Variants in ZBTB26 observed in about 807,000 individuals in gnomAD.
ZBTB26 encodes zinc finger and BTB domain-containing protein 26.
A neutral mutation model predicts 31.6 loss-of-function variants in ZBTB26; 12 were observed. The ratio of observed to expected loss-of-function variants is 0.38; its 90% CI spans 0.24 to 0.61. The LOEUF is 0.61. Among genes scored for constraint, ZBTB26 ranks in the 20% least tolerant of loss-of-function variants. ZBTB26 has a pLI of 0.60. For missense variants in ZBTB26, 311 were observed against 521.9 expected, an observed-to-expected ratio of 0.60 and a Z score of 3.94; for synonymous variants, 155 against 182.9, an observed-to-expected ratio of 0.85 and a Z score of 1.23.
rs371053523 is a variant in ZBTB26 at position 122,926,233 on chromosome 9, G to A, written c.-11+5204C>T. ...CTCAAGGATAATAATTGTGTAACTC[G>A]GCTAGGTGCGGTGGCTCACACCTGT... is the stretch of plus-strand genomic sequence containing the variant. On this transcript the variant is annotated intron_variant, in intron 1 of 1. Coordinates refer to ENST00000373656, the MANE Select transcript of ZBTB26 (RefSeq NM_020924.4). Among the ~76,000 whole-genome samples, 20 of 151,776 alleles carry A rather than the reference G, an allele frequency of 1.3e-4. No individual in the cohort carries two copies. The East Asian group carries it at 2.8e-3, about 21-fold the overall frequency.
At chr9:122,924,615 CTTTCTTTTT>C (rs1833150515) in intron 1 of ZBTB26, among the ~76,000 whole-genome samples, 1 of 9,364 alleles carries the variant, frequency 1.1e-4, no homozygotes, top group Non-Finnish European at 6.4e-4. Flanking sequence ...CAAATTTCAA[CTTTCTTTTT>C]TTTTTTTTTT....
chr9:122,920,176 A>C (rs1833074138), intron 1 of ZBTB26, among the ~76,000 whole-genome samples: 1 of 152,230 alleles, frequency 6.6e-6, no homozygotes, highest in African/African-American at 2.4e-5. Context: ...TATTTGTGTA[A>C]ATAGCTTGGC....
At chr9:122,925,283 G>A (rs1468117942) in intron 1 of ZBTB26, among the ~76,000 whole-genome samples, 1 of 152,118 alleles carries the variant, frequency 6.6e-6, no homozygotes, top group Non-Finnish European at 1.5e-5. Context: ...TGAATGGGAG[G>A]ATGGCTTGAG....
In ZBTB26 at chr9:122,917,149, CAG is replaced by C. The variant is rs1481778073; in HGVS notation, c.*1458_*1459del. Reference sequence around the variant, plus strand: ...AATTCAGGTTGTCTCAGAAAGCCAACAGGGAGACACAAAGGGGAAACACAAAC... The same window carrying C: ...AATTCAGGTTGTCTCAGAAAGCCAACGGAGACACAAAGGGGAAACACAAAC... On this transcript the variant is annotated 3_prime_UTR_variant, in exon 2 of 2. Transcript: ENST00000373656. 1.3e-5 allele frequency: 2 copies of C among 152,180 alleles called. No individual in the cohort carries two copies. Among genetic ancestry groups the C allele is most frequent in the African/African-American group, 2.4e-5 (1 of 41,430 alleles). 9.4% of individuals were successfully genotyped at this position (152,180 alleles called of 1,614,324 possible). A position where few individuals can be genotyped will look rare whatever the true frequency, so the allele number is the denominator to read the frequency against.
chr9:122,926,068 G>A (rs1279802094), intron 1 of ZBTB26, among the ~76,000 whole-genome samples: 1 of 151,514 alleles, frequency 6.6e-6, no homozygotes, highest in Non-Finnish European at 1.5e-5. Flanking sequence ...CTAATTTTTG[G>A]ATTTTTAGTA....
intron 1 of ZBTB26, among the ~76,000 whole-genome samples, chr9:122,921,033 T>C (rs1833089890): frequency 6.6e-6 from 1 of 152,174 alleles, no homozygotes; most frequent in Non-Finnish European, 1.5e-5. Flanking sequence ...CTCTTGAATA[T>C]AAACTGATTA....
chr9:122,930,997 A>G (rs1356460473), intron 1 of ZBTB26: 1 of 152,286 alleles, frequency 6.6e-6, no homozygotes, highest in African/African-American at 2.4e-5. Context: ...CGCCAGTAAT[A>G]TAAAAGGTGC....
At position 122,918,681 on chromosome 9, in the gene ZBTB26, T is replaced by G. The variant is rs757399004; in HGVS notation, c.1254A>C (p.Thr418=). The G allele has an allele frequency of 6.2e-7, 1 of 1,614,208 alleles. No homozygotes were observed. Among genetic ancestry groups the G allele is most frequent in the South Asian group, 1.1e-5 (1 of 91,080 alleles). ...CCAGTTTACCTGCATCCAGGACCTG[T>G]GTTGCATCGGGTTGTGGCTGACACC... is the stretch of plus-strand genomic sequence containing the variant. ...SKGCQPQPDA[T]QVLDAGKLAQ... Residue 418 remains threonine, a synonymous_variant, in exon 2 of 2, where the codon ACA becomes ACC. Transcript: ENST00000373656.
intron 1 of ZBTB26, among the ~76,000 whole-genome samples, chr9:122,924,983 A>T (rs1833156091): frequency 6.6e-6 from 1 of 152,224 alleles, no homozygotes; most frequent in African/African-American, 2.4e-5. Flanking sequence ...GATAGTTAAA[A>T]AAAGTTTCTT....
intron 1 of ZBTB26, among the ~76,000 whole-genome samples, chr9:122,923,010 C>A (rs1266177708): frequency 6.6e-6 from 1 of 151,604 alleles, no homozygotes; most frequent in Non-Finnish European, 1.5e-5. Context: ...ACAGTGAAAC[C>A]CCATCTCTAC....
intron 1 of ZBTB26, among the ~76,000 whole-genome samples, chr9:122,926,247 G>A (rs952393960): frequency 6.6e-6 from 1 of 150,870 alleles, no homozygotes; most frequent in African/African-American, 2.4e-5. Context: ...AGGTGCGGTG[G>A]CTCACACCTG....
Position 122,919,372 on chromosome 9 carries a change from A to G in ZBTB26, c.563T>C (p.Ile188Thr). ...SDIQIVKVES[I>T]GDVSEVRSKK... ...ACTTCTAACCTCTGATACATCCCCA[A>G]TAGATTCTACCTTAACAATCTGAAT... Residue 188 changes from isoleucine (I) to threonine (T), a missense_variant, in exon 2 of 2, where the codon ATT becomes ACT. By Grantham distance (89) the Ile-to-Thr change is moderately conservative (BLOSUM62 -1). This residue lies in a region of ZBTB26 where 207 missense variants were observed against 298.6 expected (regional missense o/e 0.69). Coordinates refer to ENST00000373656, the MANE Select transcript of ZBTB26 (RefSeq NM_020924.4). This position sits in a 1 kb window ranked among gnomAD's most constrained non-coding sequence, Gnocchi z 6.1. The G allele has an allele frequency of 6.2e-7, 1 of 1,614,188 alleles. No homozygotes were observed. Among genetic ancestry groups the G allele is most frequent in the Non-Finnish European group, 8.5e-7 (1 of 1,180,024 alleles).
In ZBTB26 at chr9:122,918,839, T is replaced by G; in HGVS notation, c.1096A>C (p.Lys366Gln). 1 of 1,614,222 alleles carries G rather than the reference T, an allele frequency of 6.2e-7. No homozygotes were observed. Among genetic ancestry groups the G allele is most frequent in the Non-Finnish European group, 8.5e-7 (1 of 1,180,038 alleles). The change falls in exon 2 of 2, where the codon AAA becomes CAA. Residue 366 changes from lysine (K) to glutamine (Q), a missense_variant. Physicochemically the swap from Lys to Gln is moderately conservative, Grantham distance 53 (BLOSUM62 1). Transcript: ENST00000373656. ...TTAAGGTGTTTCCTCAAAACTGGTT[T>G]ATGTGCAAAAACCATATCACAATAG... ...CNYCDMVFAH[K>Q]PVLRKHLKQL... is the part of the protein sequence containing the mutation.
In ZBTB26 at chr9:122,919,582, C is replaced by T. The variant is rs768602007; in HGVS notation, c.353G>A (p.Arg118Gln). The T allele has an allele frequency of 3.5e-5, 57 of 1,614,020 alleles. No homozygotes were observed. Among genetic ancestry groups the T allele is most frequent in the East Asian group, 2.4e-4 (11 of 44,898 alleles). Reference protein sequence around the residue: ...SFLQMSHIVERCTQALWKFIK... With the variant: ...SFLQMSHIVEQCTQALWKFIK... ...AAACTTCCACAGGGCCTGTGTGCACCGTTCTACAATGTGGCTCATCTGAAG... is the reference window on the plus strand; with the variant it reads ...AAACTTCCACAGGGCCTGTGTGCACTGTTCTACAATGTGGCTCATCTGAAG... Residue 118 changes from arginine to glutamine, a missense_variant, in exon 2 of 2, where the codon CGG becomes CAG. By Grantham distance (43) the Arg-to-Gln change is conservative. Coordinates refer to ENST00000373656, the MANE Select transcript of ZBTB26 (RefSeq NM_020924.4). This position sits in a 1 kb window ranked among gnomAD's most constrained non-coding sequence, Gnocchi z 6.1.
intron 1 of ZBTB26, among the ~76,000 whole-genome samples, chr9:122,928,144 A>AG (rs1833212103): frequency 6.6e-6 from 1 of 152,166 alleles, no homozygotes; most frequent in Non-Finnish European, 1.5e-5. Flanking sequence ...CCCTCCTGGC[A>AG]TTTTAAAAAC....
chr9:122,921,225 C>G (rs1176451759), intron 1 of ZBTB26, among the ~76,000 whole-genome samples: 3 of 152,192 alleles, frequency 2.0e-5, no homozygotes, highest in Admixed American at 2.0e-4. Context: ...TCCCATTTGT[C>G]TCTCTCAAGG....
At chr9:122,921,448 GA>G (rs1833097286) in intron 1 of ZBTB26, among the ~76,000 whole-genome samples, 1 of 152,232 alleles carries the variant, frequency 6.6e-6, no homozygotes, top group South Asian at 2.1e-4. Flanking sequence ...TTCAGAGTCA[GA>G]TGAGACAACC....
intron 1 of ZBTB26, among the ~76,000 whole-genome samples, chr9:122,924,111 A>G (rs1833141911): frequency 6.6e-6 from 1 of 152,232 alleles, no homozygotes; most frequent in Admixed American, 6.5e-5. Context: ...TTCTCAAAAC[A>G]CATCACAGTT....
chr9:122,924,858 C>G (rs544374825), intron 1 of ZBTB26, among the ~76,000 whole-genome samples: 3 of 152,124 alleles, frequency 2.0e-5, no homozygotes, highest in Non-Finnish European at 2.9e-5. Flanking sequence ...GTGGCGCAAT[C>G]AAATCTCGCT....
Sources: allele counts gnomAD v4.1 joint callset (sites outside exome capture counted in the v4.1 genomes callset), GRCh38; gene constraint gnomAD v4.1.1; regional missense constraint gnomAD v4.1.1; non-coding constraint Gnocchi (gnomAD v3.1); transcripts MANE v1.5; gene names NCBI Gene and HGNC (gene_info 2026-07-23, HGNC 2026-07-21).